DAW1: variants seen among roughly 807,000 people sequenced by gnomAD.
DAW1 encodes the protein dynein assembly factor with WD repeats 1, also known as dynein assembly factor with WD repeat domains 1.
Under a neutral mutation model 56.5 loss-of-function variants are expected in DAW1, and 47 were observed. The observed-to-expected ratio is 0.83, with a 90% CI of 0.66 to 1.06. The LOEUF (loss-of-function observed/expected upper bound fraction) is 1.06. Ranked by LOEUF, DAW1 falls within the 50% of genes least tolerant of loss-of-function variation. DAW1 has a pLI of 0.00. For missense variants in DAW1, 505 were observed against 499.3 expected, an observed-to-expected ratio of 1.01 and a Z score of -0.11; for synonymous variants, 190 against 179.0, an observed-to-expected ratio of 1.06 and a Z score of -0.49.
intron 10 of DAW1, among the ~76,000 whole-genome samples, chr2:227,910,255 G>C (rs1487819754): frequency 6.6e-6 from 1 of 151,908 alleles, no homozygotes; most frequent in Non-Finnish European, 1.5e-5. Flanking sequence ...AGTTTGAGAT[G>C]AGCCTGGGCA....
intron 1 of DAW1, among the ~76,000 whole-genome samples, chr2:227,878,688 C>T (rs1690942584): frequency 6.6e-6 from 1 of 152,178 alleles, no homozygotes; most frequent in Non-Finnish European, 1.5e-5. Context: ...TGTACAACTG[C>T]ACTGCAGCCT....
At chr2:227,897,158 C>T (rs1352786174) in intron 5 of DAW1, among the ~76,000 whole-genome samples, 3 of 150,246 alleles carry the variant, frequency 2.0e-5, no homozygotes, top group Non-Finnish European at 4.4e-5. Context: ...AAGACATCAG[C>T]AGCTGAAGTA....
intron 4 of DAW1, among the ~76,000 whole-genome samples, chr2:227,892,327 T>C (rs574140416): frequency 6.6e-6 from 1 of 151,852 alleles, no homozygotes; most frequent in African/African-American, 2.4e-5. Flanking sequence ...AGAGACGGGG[T>C]TTCTCCATGT....
chr2:227,908,865 G>GA (rs1469679013), intron 10 of DAW1, among the ~76,000 whole-genome samples: 6 of 152,088 alleles, frequency 3.9e-5, no homozygotes, highest in African/African-American at 1.4e-4. Context: ...TTTGAAGTAT[G>GA]AACTATGTGT....
chr2:227,918,710 A>G (rs1370833738), intron 10 of DAW1, 70 bp from the exon 11 acceptor site: 3 of 1,534,410 alleles, frequency 2.0e-6, no homozygotes, highest in Admixed American at 3.4e-5. Context: ...TATTTATACA[A>G]TGCAAAGTCT....
intron 5 of DAW1, among the ~76,000 whole-genome samples, chr2:227,895,254 A>T (rs1422043812): frequency 6.6e-6 from 1 of 152,228 alleles, no homozygotes; most frequent in Non-Finnish European, 1.5e-5. Flanking sequence ...ACACAGTCAA[A>T]GAAAGACAGT....
chr2:227,912,221 CA>C (rs1559312945), intron 10 of DAW1: 1 of 418,174 alleles, frequency 2.4e-6, no homozygotes, highest in African/African-American at 2.1e-5. Context: ...ATATCTATGT[CA>C]CCTTCTTTCT....
intron 7 of DAW1, among the ~76,000 whole-genome samples, chr2:227,903,767 C>T (rs895880901): frequency 6.6e-6 from 1 of 151,108 alleles, no homozygotes; most frequent in African/African-American, 2.4e-5. Flanking sequence ...CAGGAACAGC[C>T]AGATGGGAAA....
chr2:227,923,805 G>A, intron 12 of DAW1, 129 bp from the exon 13 acceptor site: 1 of 1,052,338 alleles, frequency 9.5e-7, no homozygotes, highest in Non-Finnish European at 1.4e-6. Context: ...CTGCAGCTAG[G>A]CGCGGAGAAC....
intron 10 of DAW1, 104 bp from the exon 11 acceptor site, chr2:227,918,676 G>A (rs891612085): frequency 8.1e-7 from 1 of 1,235,564 alleles, no homozygotes; most frequent in African/African-American, 1.5e-5. Context: ...ACTTAGCACA[G>A]AGCTCGTGTG....
At chr2:227,897,584 G>T (rs1691441671) in intron 5 of DAW1, among the ~76,000 whole-genome samples, 1 of 152,150 alleles carries the variant, frequency 6.6e-6, no homozygotes, top group Non-Finnish European at 1.5e-5. Flanking sequence ...ATCTACTCTT[G>T]CTTGTTGGTT....
rs553414147 is a variant in DAW1, at chr2:227,898,656, A to G, written c.540+375A>G. 5.9e-5 allele frequency among the ~76,000 whole-genome samples: 9 copies of G among 152,094 alleles called. 1 individual carries two copies. The South Asian group carries it at 1.9e-3, about 32-fold the overall frequency. The stretch of plus-strand genomic sequence containing the variant: ...TTTTATGTTGCTGTTTCTTTTTAGG[A>G]TTCTATTATAAAAGTAGTGGGGCTA... On this transcript the variant is annotated intron_variant, in intron 6 of 12. Coordinates refer to ENST00000309931, the MANE Select transcript of DAW1 (RefSeq NM_178821.3).
At chr2:227,897,364 A>G (rs776909549) in intron 5 of DAW1, among the ~76,000 whole-genome samples, 1 of 152,164 alleles carries the variant, frequency 6.6e-6, no homozygotes, top group Non-Finnish European at 1.5e-5. Context: ...GAATCAAGGC[A>G]TCAATGTTAG....
chr2:227,904,457 G>A (rs1691630230), intron 7 of DAW1, among the ~76,000 whole-genome samples: 1 of 152,016 alleles, frequency 6.6e-6, no homozygotes, highest in Admixed American at 6.6e-5. Context: ...TTTATCAATC[G>A]ATTTCATGTC....
At chr2:227,918,191 C>CCATCATCCATCCATCCATCCATCCAT (rs571231547) in intron 10 of DAW1, among the ~76,000 whole-genome samples, 15 of 146,272 alleles carry the variant, frequency 1.0e-4, no homozygotes, top group South Asian at 2.2e-4. Flanking sequence ...ATCCATCCAT[C>CCATCATCCATCCATCCATCCATCCAT]CATCCATCCA....
chr2:227,917,274 T>G (rs1464391159), intron 10 of DAW1, among the ~76,000 whole-genome samples: 2 of 152,008 alleles, frequency 1.3e-5, no homozygotes, highest in Admixed American at 6.6e-5. Context: ...TTCTTTTTTT[T>G]TTTTTAGATG....
intron 1 of DAW1, among the ~76,000 whole-genome samples, chr2:227,881,462 G>A (rs1228587444): frequency 6.6e-6 from 1 of 152,200 alleles, no homozygotes; most frequent in East Asian, 1.9e-4. Flanking sequence ...CTTCTTCAAA[G>A]ATGTTACAAT....
At chr2:227,921,705 A>T in intron 12 of DAW1, 144 bp downstream of exon 12, 1 of 841,086 alleles carries the variant, frequency 1.2e-6, no homozygotes, top group Non-Finnish European at 1.7e-6. Flanking sequence ...TCATATTTTC[A>T]TTATTTAATT....
At chr2:227,922,027 C>A (rs1447161823) in intron 12 of DAW1, among the ~76,000 whole-genome samples, 1 of 152,182 alleles carries the variant, frequency 6.6e-6, no homozygotes, top group Non-Finnish European at 1.5e-5. Context: ...GTGGCGTACA[C>A]CTGTAGTCCC....
Sources: allele counts gnomAD v4.1 joint callset (sites outside exome capture counted in the v4.1 genomes callset), GRCh38; gene constraint gnomAD v4.1.1; transcripts MANE v1.5; gene names NCBI Gene and HGNC (gene_info 2026-07-23, HGNC 2026-07-21).